The following TMTC3 variants were observed in gnomAD, a reference collection of about 807,000 sequenced individuals.
TMTC3 encodes protein O-mannosyl-transferase TMTC3.
Under a neutral mutation model 92.2 loss-of-function variants are expected in TMTC3, and 52 were observed. The observed-to-expected ratio is 0.56, with a 90% CI of 0.45 to 0.71. TMTC3 has a LOEUF of 0.71. Among genes scored for constraint, TMTC3 ranks in the 30% least tolerant of loss-of-function variants. The probability of loss-of-function intolerance (pLI) is 0.00; values close to 1 mark genes in which losing one functional copy is unlikely to be tolerated. For missense variants in TMTC3, 896 were observed against 1,057.1 expected, an observed-to-expected ratio of 0.85 and a Z score of 2.11; for synonymous variants, 339 against 363.3, an observed-to-expected ratio of 0.93 and a Z score of 0.76.
At chr12:88,163,773 A>G (rs1223161879) in intron 6 of TMTC3, among the ~76,000 whole-genome samples, 3 of 152,162 alleles carry the variant, frequency 2.0e-5, no homozygotes, top group Non-Finnish European at 2.9e-5. Flanking sequence ...CATCTTAACT[A>G]ATATTGGCAG....
intron 10 of TMTC3, among the ~76,000 whole-genome samples, chr12:88,184,772 G>A (rs2041356931): frequency 6.6e-6 from 1 of 151,702 alleles, no homozygotes; most frequent in African/African-American, 2.4e-5. Flanking sequence ...CACACCACAT[G>A]TAAATATATA....
chr12:88,156,519 G>A (rs1407731486), intron 4 of TMTC3, among the ~76,000 whole-genome samples: 1 of 152,086 alleles, frequency 6.6e-6, no homozygotes, highest in African/African-American at 2.4e-5. Flanking sequence ...TACTGCCTAG[G>A]AGTGATTGGT....
Position 88,176,195 on chromosome 12 carries a change from G to C in TMTC3, c.1321-13G>C. 1 of 1,551,770 alleles carries C rather than the reference G, an allele frequency of 6.4e-7. No individual in the cohort carries two copies. Among genetic ancestry groups the C allele is most frequent in the South Asian group, 1.1e-5 (1 of 87,100 alleles). ...TTTAATTGTAACTTTTTCTATCTGTGCTTGTATTTAAGGTAAATAAAAATA... is the reference window on the plus strand; with the variant it reads ...TTTAATTGTAACTTTTTCTATCTGTCCTTGTATTTAAGGTAAATAAAAATA... On this transcript the variant is annotated splice_polypyrimidine_tract_variant and intron_variant, in intron 9 of 13. Transcript: ENST00000266712.
chr12:88,169,568 A>G (rs2041181839), intron 7 of TMTC3, among the ~76,000 whole-genome samples: 1 of 152,152 alleles, frequency 6.6e-6, no homozygotes, highest in Non-Finnish European at 1.5e-5. Context: ...ACCAGATACC[A>G]TGTTAAGCAC....
Position 88,198,716 on chromosome 12 carries a change from C to T in TMTC3, c.*3067C>T. On this transcript the variant is annotated 3_prime_UTR_variant, in exon 14 of 14. Coordinates refer to ENST00000266712, the MANE Select transcript of TMTC3 (RefSeq NM_181783.4). ...ACTCTCAACTTCATGTTACAGAATG[C>T]TTTAAAGATGCTTTAATGAAAAGTA... The T allele has an allele frequency of 3.6e-6, 1 of 280,534 alleles. No homozygotes were observed. Among genetic ancestry groups the T allele is most frequent in the Non-Finnish European group, 6.6e-6 (1 of 152,632 alleles). The allele number at this position is 280,534 out of a possible 1,614,324, so 17.4% of individuals were successfully genotyped here.
At chr12:88,145,138 A>T (rs1381663206) in intron 1 of TMTC3, among the ~76,000 whole-genome samples, 1 of 152,170 alleles carries the variant, frequency 6.6e-6, no homozygotes, top group Non-Finnish European at 1.5e-5. Flanking sequence ...TTGCTGACTT[A>T]CCAAGAAAAG....
chr12:88,145,233 T>C (rs545310013), intron 1 of TMTC3, among the ~76,000 whole-genome samples: 1 of 152,296 alleles, frequency 6.6e-6, no homozygotes, highest in South Asian at 2.1e-4. Context: ...TGTTTTGCCT[T>C]ATCTTCATGG....
At chr12:88,176,715 C>T (rs988828728) in intron 10 of TMTC3, among the ~76,000 whole-genome samples, 1 of 152,146 alleles carries the variant, frequency 6.6e-6, no homozygotes, top group Admixed American at 6.5e-5. Flanking sequence ...TTCAAGGCTG[C>T]AGTGAGCTAT....
intron 4 of TMTC3, among the ~76,000 whole-genome samples, chr12:88,157,645 C>A (rs550234578): frequency 2.6e-5 from 4 of 152,146 alleles, no homozygotes; most frequent in Admixed American, 6.5e-5. Flanking sequence ...GTAGTAGATA[C>A]TTAAAATAAC....
chr12:88,149,973 TTTAATCATAATG>T (rs1171558396), intron 2 of TMTC3, among the ~76,000 whole-genome samples: 2 of 152,182 alleles, frequency 1.3e-5, no homozygotes, highest in Non-Finnish European at 2.9e-5. Context: ...CTGTTATGAT[TTTAATCATAATG>T]TTGAGGTTTT....
At chr12:88,190,335 G>C (rs2041428536) in intron 11 of TMTC3, 118 bp from the exon 12 acceptor site, 6 of 853,878 alleles carry the variant, frequency 7.0e-6, no homozygotes, top group Non-Finnish European at 1.1e-5. Flanking sequence ...TGATCTCTCA[G>C]TCCAGTGTAT....
intron 2 of TMTC3, among the ~76,000 whole-genome samples, chr12:88,150,802 C>T (rs1037041997): frequency 1.3e-5 from 2 of 152,056 alleles, no homozygotes; most frequent in Admixed American, 6.6e-5. Flanking sequence ...CGTGTCCACA[C>T]GTATCTTACA....
chr12:88,154,653 G>GTT (rs1339975614), intron 4 of TMTC3, among the ~76,000 whole-genome samples: 5 of 152,138 alleles, frequency 3.3e-5, no homozygotes, highest in Non-Finnish European at 1.5e-5. Context: ...GAATAGAAGA[G>GTT]TTTTAGAGTT....
intron 10 of TMTC3, among the ~76,000 whole-genome samples, chr12:88,180,883 A>G (rs2041310643): frequency 6.6e-6 from 1 of 152,156 alleles, no homozygotes; most frequent in Non-Finnish European, 1.5e-5. Context: ...ACTTTAGTGA[A>G]ATGCTTTTCT....
Position 88,160,817 on chromosome 12 carries a change from C to T in TMTC3, c.763C>T (p.Gln255Ter). ...ATTATTACTTGTTGTGATTAGAGTC[C>T]AGGTTATTCAATCCCAACTTCCAGT... ...STLLLVVIRV[Q>*]VIQSQLPVFT... The change falls in exon 6 of 14, where the codon CAG becomes TAG. Residue 255 changes from glutamine (Q) to a stop codon, truncating the protein, a stop_gained. Transcript: ENST00000266712. LOFTEE classifies it high-confidence loss of function. 6.2e-7 allele frequency: 1 copy of T among 1,611,086 alleles called. No homozygotes were observed. Among genetic ancestry groups the T allele is most frequent in the Non-Finnish European group, 8.5e-7 (1 of 1,178,812 alleles).
chr12:88,176,066 A>C, intron 9 of TMTC3, 142 bp from the exon 10 acceptor site: 1 of 546,050 alleles, frequency 1.8e-6, no homozygotes, highest in South Asian at 2.8e-5. Flanking sequence ...TTGGTGAAGC[A>C]GTCTTTATTT....
At chr12:88,166,931 G>A (rs1028801241) in intron 7 of TMTC3, among the ~76,000 whole-genome samples, 2 of 150,294 alleles carry the variant, frequency 1.3e-5, no homozygotes, top group African/African-American at 4.9e-5. Context: ...TGAGCAAGGT[G>A]GTTTTTATTA....
intron 4 of TMTC3, among the ~76,000 whole-genome samples, chr12:88,156,620 T>C (rs1390859416): frequency 6.6e-6 from 1 of 152,036 alleles, no homozygotes; most frequent in Admixed American, 6.6e-5. Context: ...CACTAGCCAT[T>C]GTAGCTGTGG....
At chr12:88,173,053 A>C in intron 8 of TMTC3, 1 of 1,314,046 alleles carries the variant, frequency 7.6e-7, no homozygotes, top group Non-Finnish European at 9.9e-7. Flanking sequence ...TGCCACTTCC[A>C]TATTCAGTGA....
Sources: allele counts gnomAD v4.1 joint callset (sites outside exome capture counted in the v4.1 genomes callset), GRCh38; gene constraint gnomAD v4.1.1; transcripts MANE v1.5; gene names NCBI Gene and HGNC (gene_info 2026-07-23, HGNC 2026-07-21).